PLD2: variants seen among roughly 807,000 people sequenced by gnomAD.
PLD2 encodes the protein choline phosphatase 2.
In PLD2, 101 loss-of-function variants were observed where a neutral mutation model predicts 119.8. That is an observed-to-expected ratio of 0.84 (90% CI 0.72 to 0.99). The LOEUF (loss-of-function observed/expected upper bound fraction) is 0.99, where lower values mean the gene tolerates loss of function less well. Ranked by LOEUF, PLD2 falls within the 50% of genes least tolerant of loss-of-function variation. PLD2 has a pLI of 0.00. For missense variants in PLD2, 1,164 were observed against 1,226.8 expected (o/e 0.95, Z 0.76); for synonymous variants, 494 against 482.8 (o/e 1.02, Z -0.30).
Position 4,807,447 on chromosome 17 carries a change from C to T in PLD2, c.-2+222C>T. 1 of 241,872 alleles carries T rather than the reference C, an allele frequency of 4.1e-6. No homozygotes were observed. The highest frequency in any genetic ancestry group is 7.8e-5 in the South Asian group (1 of 12,870). 15.0% of individuals were successfully genotyped at this position (241,872 alleles called of 1,614,324 possible). A position where few individuals can be genotyped will look rare whatever the true frequency, so the allele number is the denominator to read the frequency against. ...CCGTAGCCGCGCGCTCTCCGGACCACCCAGGGCCGCTTCCCCGCGCAGCTG... is the reference window on the plus strand; with the variant it reads ...CCGTAGCCGCGCGCTCTCCGGACCATCCAGGGCCGCTTCCCCGCGCAGCTG... On this transcript the variant is annotated intron_variant, in intron 1 of 24. Coordinates refer to ENST00000263088, the MANE Select transcript of PLD2 (RefSeq NM_002663.5). This position sits in a 1 kb window ranked among gnomAD's most constrained non-coding sequence, Gnocchi z 5.4.
At chr17:4,809,841 G>C in intron 8 of PLD2, 36 bp from the exon 9 acceptor site, 1 of 1,614,086 alleles carries the variant, frequency 6.2e-7, no homozygotes, top group Non-Finnish European at 8.5e-7. Flanking sequence ...AAAATTTTGA[G>C]GGCAGAGAGG....
In PLD2 at chr17:4,815,547, T is replaced by C; in HGVS notation, c.1245T>C (p.Tyr415=). 6.2e-7 allele frequency: 1 copy of C among 1,613,746 alleles called. No individual in the cohort carries two copies. The highest frequency in any genetic ancestry group is 8.5e-7 in the Non-Finnish European group (1 of 1,179,778). The part of the protein sequence containing the change: ...VELALGINSG[Y]SKRALMLLHP... ...TGGCCTTGGGCATCAACAGTGGCTA[T>C]AGCAAGAGGGCGCTGATGCTGCTGC... Residue 415 remains tyrosine (Y), a synonymous_variant, in exon 13 of 25, where the codon TAT becomes TAC. Transcript: ENST00000263088.
rs976360158 is a variant in PLD2 at position 4,819,726 on chromosome 17, G to A, written c.2462+144G>A. 32 of 816,202 alleles carry A rather than the reference G, an allele frequency of 3.9e-5. No individual in the cohort carries two copies. Among genetic ancestry groups the A allele is most frequent in the Middle Eastern group, 3.7e-4 (1 of 2,706 alleles). The allele number at this position is 816,202 out of a possible 1,614,324, so 50.6% of individuals were successfully genotyped here. ...ATTCTCAATAGGCAAGGCTGGGCGC[G>A]GCAGCTCACGCCTCTAATCCCAGCA... is the stretch of plus-strand genomic sequence containing the variant. On this transcript the variant is annotated intron_variant, in intron 23 of 24. Transcript: ENST00000263088. This position sits in a 1 kb window ranked among gnomAD's most constrained non-coding sequence, Gnocchi z 4.2.
chr17:4,816,045 A>G, intron 14 of PLD2, 111 bp downstream of exon 14: 2 of 811,220 alleles, frequency 2.5e-6, no homozygotes, highest in Non-Finnish European at 4.1e-6. Flanking sequence ...TGCCAACCTC[A>G]GGGTTCCTCA....
chr17:4,815,831 T>C lies in PLD2; in HGVS notation c.1352T>C (p.Val451Ala), dbSNP rs1227964445. ...HHEKLLVVDQ[V>A]VAFLGGLDLA... ...GAGAAGCTCCTGGTGGTGGACCAAG[T>C]GGTAGCATTCCTGGGGGGACTGGAC... The change falls in exon 14 of 25, where the codon GTG becomes GCG. Residue 451 changes from valine (V) to alanine (A), a missense_variant. Transcript: ENST00000263088. 6.2e-7 allele frequency: 1 copy of C among 1,613,944 alleles called. No individual in the cohort carries two copies. The highest frequency in any genetic ancestry group is 8.5e-7 in the Non-Finnish European group (1 of 1,179,988).
chr17:4,809,434 C>T, intron 6 of PLD2, 59 bp from the exon 7 acceptor site: 1 of 1,613,178 alleles, frequency 6.2e-7, no homozygotes, highest in Non-Finnish European at 8.5e-7. Context: ...GCCAGGGGCC[C>T]CAGGGTCTGA....
chr17:4,811,009 T>C lies in PLD2; in HGVS notation c.1010+58T>C. On this transcript the variant is annotated intron_variant, in intron 10 of 24. Transcript: ENST00000263088. ...GTGGCTTTCTTGACCCCCTGTGTAA[T>C]CTCTGAGTCCTTCATCCTCTCTTTT... The C allele has an allele frequency of 2.0e-6, 3 of 1,516,878 alleles. No homozygotes were observed. The South Asian group carries it at 3.6e-5, about 18-fold the overall frequency. 94.0% of individuals were successfully genotyped at this position (1,516,878 alleles called of 1,614,324 possible). A position where few individuals can be genotyped will look rare whatever the true frequency, so the allele number is the denominator to read the frequency against.
chr17:4,818,927 C>T, intron 21 of PLD2, 104 bp downstream of exon 21: 1 of 1,480,564 alleles, frequency 6.8e-7, no homozygotes, highest in South Asian at 1.2e-5. Flanking sequence ...CTCCTGTGAG[C>T]CTCTGACGCT....
Position 4,818,486 on chromosome 17 carries a change from C to G in PLD2, c.2010-8C>G. ...CCAGTCGCACCTCTGACTCCACCCCCTCCCCAGACAGGGGTGGTGTTACCG... is the reference window on the plus strand; with the variant it reads ...CCAGTCGCACCTCTGACTCCACCCCGTCCCCAGACAGGGGTGGTGTTACCG... On this transcript the variant is annotated splice_region_variant and splice_polypyrimidine_tract_variant and intron_variant, in intron 19 of 24. Coordinates refer to ENST00000263088, the MANE Select transcript of PLD2 (RefSeq NM_002663.5). The G allele has an allele frequency of 6.2e-7, 1 of 1,607,974 alleles. No individual in the cohort carries two copies. Among genetic ancestry groups the G allele is most frequent in the East Asian group, 2.2e-5 (1 of 44,834 alleles).
rs368398511 is a variant in PLD2, at chr17:4,809,107, G to A, written c.391G>A (p.Val131Ile). 66 of 1,613,494 alleles carry A rather than the reference G, an allele frequency of 4.1e-5. No individual in the cohort carries two copies. Among genetic ancestry groups the A allele is most frequent in the African/African-American group, 9.3e-5 (7 of 74,872 alleles). Residue 131 changes from valine to isoleucine, a missense_variant, in exon 5 of 25, where the codon GTT becomes ATT. Physicochemically the swap from Val to Ile is conservative, Grantham distance 29. Coordinates refer to ENST00000263088, the MANE Select transcript of PLD2 (RefSeq NM_002663.5). ...CATCCATCCTTTCCACAGATTTGCC[G>A]TTGCCTATTCTCCAGCCCGAGATGC... ...MSLLPLARFAVAYSPARDAGN... is the reference protein window; with the variant it reads ...MSLLPLARFAIAYSPARDAGN...
rs1906092604 is a variant in PLD2 at position 4,808,393 on chromosome 17, G to A, written c.360G>A (p.Leu120=). 1 of 1,614,056 alleles carries A rather than the reference G, an allele frequency of 6.2e-7. No individual in the cohort carries two copies. The highest frequency in any genetic ancestry group is 1.1e-5 in the South Asian group (1 of 91,078). ...GGGACCTCCTGAGACACAAAGTCTT[G>A]ATGAGTCTGCTCCCTCTGGCTCGGT... ...LHRDLLRHKV[L]MSLLPLARFA... Residue 120 remains leucine, a synonymous_variant, in exon 4 of 25, where the codon TTG becomes TTA. Transcript: ENST00000263088. The surrounding 1 kb of genome is among the most constrained non-coding windows in gnomAD (Gnocchi z 4.1).
At position 4,818,497 on chromosome 17, in the gene PLD2, G is replaced by T; in HGVS notation, c.2013G>T (p.Gln671His). The T allele has an allele frequency of 6.2e-7, 1 of 1,613,080 alleles. No individual in the cohort carries two copies. The highest frequency in any genetic ancestry group is 8.5e-7 in the Non-Finnish European group (1 of 1,179,062). The change falls in exon 20 of 25, where the codon CAG becomes CAT. Residue 671 changes from glutamine (Q) to histidine (H), a missense_variant. Coordinates refer to ENST00000263088, the MANE Select transcript of PLD2 (RefSeq NM_002663.5). Reference protein sequence around the residue: ...IVDRILKAHKQGWCYRVYVLL... With the variant: ...IVDRILKAHKHGWCYRVYVLL... ...TCTGACTCCACCCCCTCCCCAGACA[G>T]GGGTGGTGTTACCGAGTCTACGTGC...
chr17:4,813,455 A>G (rs1048401757), intron 10 of PLD2, among the ~76,000 whole-genome samples: 1 of 152,224 alleles, frequency 6.6e-6, no homozygotes, highest in Non-Finnish European at 1.5e-5. Flanking sequence ...TTTCACTCTT[A>G]CAAACAATGT....
Position 4,822,972 on chromosome 17 carries a change from G to A in PLD2, c.*108G>A. ...GGCAGTGCCCTTTGAGATCTGGGGA[G>A]GCAGGCATTCCTGAAGGGAACTAGA... On this transcript the variant is annotated 3_prime_UTR_variant, in exon 25 of 25. Coordinates refer to ENST00000263088, the MANE Select transcript of PLD2 (RefSeq NM_002663.5). The A allele has an allele frequency of 1.5e-6, 1 of 651,794 alleles. No homozygotes were observed. Among genetic ancestry groups the A allele is most frequent in the East Asian group, 2.7e-5 (1 of 36,482 alleles). The allele number at this position is 651,794 out of a possible 1,614,324, so 40.4% of individuals were successfully genotyped here.
Position 4,808,428 on chromosome 17 carries a change from C to G in PLD2, c.383+12C>G, listed in dbSNP as rs372970328. Reference sequence around the variant, plus strand: ...CTCCCTCTGGCTCGGTGAGGGCGACCGGACTGCTTCCTGTAGAGGGCAGGT... The same window carrying G: ...CTCCCTCTGGCTCGGTGAGGGCGACGGGACTGCTTCCTGTAGAGGGCAGGT... On this transcript the variant is annotated intron_variant, in intron 4 of 24. Transcript: ENST00000263088. The surrounding 1 kb of genome is among the most constrained non-coding windows in gnomAD (Gnocchi z 4.1). 3.7e-6 allele frequency: 6 copies of G among 1,611,876 alleles called. No individual in the cohort carries two copies. Among genetic ancestry groups the G allele is most frequent in the Non-Finnish European group, 5.1e-6 (6 of 1,178,842 alleles).
chr17:4,809,420 G>C, intron 6 of PLD2, 57 bp downstream of exon 6: 12 of 1,611,846 alleles, frequency 7.4e-6, no homozygotes, highest in Non-Finnish European at 9.3e-6. Context: ...CCTCGGGGAG[G>C]AGGGCCAGGG....
Position 4,809,369 on chromosome 17 carries a change from G to A in PLD2, c.555+6G>A. On this transcript the variant is annotated splice_donor_region_variant and intron_variant, in intron 6 of 24. Transcript: ENST00000263088. Reference sequence around the variant, plus strand: ...ATCGCAACTACCATGCCATGGTAAGGTCCAGGGGCCGATTTTAGATGTGGA... The same window carrying A: ...ATCGCAACTACCATGCCATGGTAAGATCCAGGGGCCGATTTTAGATGTGGA... 1 of 1,613,484 alleles carries A rather than the reference G, an allele frequency of 6.2e-7. No individual in the cohort carries two copies. Among genetic ancestry groups the A allele is most frequent in the Non-Finnish European group, 8.5e-7 (1 of 1,179,374 alleles).
chr17:4,818,518 C>T lies in PLD2; in HGVS notation c.2034C>T (p.Tyr678=), dbSNP rs780498884. The change falls in exon 20 of 25, where the codon TAC becomes TAT. Residue 678 remains tyrosine (Y), a synonymous_variant. Coordinates refer to ENST00000263088, the MANE Select transcript of PLD2 (RefSeq NM_002663.5). ...GACAGGGGTGGTGTTACCGAGTCTA[C>T]GTGCTTTTGCCCTTACTCCCTGGCT... ...AHKQGWCYRV[Y]VLLPLLPGFE... The T allele has an allele frequency of 9.5e-5, 154 of 1,613,736 alleles. No homozygotes were observed. The highest frequency in any genetic ancestry group is 3.3e-4 in the Admixed American group (20 of 59,998).
chr17:4,819,485 G>A lies in PLD2; in HGVS notation c.2365G>A (p.Val789Met), dbSNP rs376639390. The part of the protein sequence containing the change: ...LLGKRDSELA[V>M]LIEDTETEPS... The stretch of plus-strand genomic sequence containing the variant: ...GGGGAAGCGGGACAGTGAGCTGGCC[G>A]TGCTGATCGAGGACACAGAGACGGA... Residue 789 changes from valine (V) to methionine (M), a missense_variant, in exon 23 of 25, where the codon GTG becomes ATG. Coordinates refer to ENST00000263088, the MANE Select transcript of PLD2 (RefSeq NM_002663.5). This position sits in a 1 kb window ranked among gnomAD's most constrained non-coding sequence, Gnocchi z 4.2. 1.1e-4 allele frequency: 175 copies of A among 1,613,976 alleles called. 1 individual carries two copies. Among genetic ancestry groups the A allele is most frequent in the Middle Eastern group, 3.3e-4 (2 of 6,084 alleles).
Sources: allele counts gnomAD v4.1 joint callset (sites outside exome capture counted in the v4.1 genomes callset), GRCh38; gene constraint gnomAD v4.1.1; non-coding constraint Gnocchi (gnomAD v3.1); transcripts MANE v1.5; gene names NCBI Gene and HGNC (gene_info 2026-07-23, HGNC 2026-07-21).